The following TRIM63 variants were observed in gnomAD, a reference collection of about 807,000 sequenced individuals.
TRIM63 encodes the protein E3 ubiquitin-protein ligase TRIM63.
Under a neutral mutation model 46.0 loss-of-function variants are expected in TRIM63, and 48 were observed. The ratio of observed to expected loss-of-function variants is 1.04; its 90% CI spans 0.83 to 1.33. The LOEUF is 1.33. TRIM63 is among the 40% of genes most tolerant of loss of function. The pLI, the probability that TRIM63 is intolerant of heterozygous loss-of-function variation, is 0.00. For synonymous variants in TRIM63, 175 were observed against 162.8 expected (o/e 1.08, Z -0.57); for missense variants, 455 against 441.2 (o/e 1.03, Z -0.28).
At chr1:26,057,768 T>A in intron 5 of TRIM63, 118 bp from the exon 6 acceptor site, 1 of 1,059,258 alleles carries the variant, frequency 9.4e-7, no homozygotes. Context: ...CTAGCCCAGT[T>A]GTGACCTGCT....
chr1:26,056,757 A>ATT (rs539855797), intron 7 of TRIM63, among the ~76,000 whole-genome samples: 1,988 of 139,004 alleles, frequency 0.014, 44 homozygotes, highest in African/African-American at 0.049. Flanking sequence ...GACTATATGA[A>ATT]TTTTTTTTTT....
intron 1 of TRIM63, among the ~76,000 whole-genome samples, chr1:26,066,822 C>G (rs778401102): frequency 2.2e-4 from 33 of 151,948 alleles, no homozygotes; most frequent in Non-Finnish European, 4.4e-4. Flanking sequence ...CATGGGGAAC[C>G]TCGCATCCTG....
rs748103881 is a variant in TRIM63, at chr1:26,067,435, C to T, written c.60G>A (p.Gln20=). The T allele has an allele frequency of 7.4e-6, 12 of 1,614,196 alleles. No individual in the cohort carries two copies. The South Asian group carries it at 1.3e-4, about 18-fold the overall frequency. The stretch of plus-strand genomic sequence containing the variant: ...TCTCCAGGCAGATAGGGCAGATCAG[C>T]TGCTTCTCCAAGTTCTCCATGGGAT... The part of the protein sequence containing the change: ...DGNPMENLEK[Q]LICPICLEMF... The change falls in exon 1 of 9, where the codon CAG becomes CAA. Residue 20 remains glutamine, a synonymous_variant. Transcript: ENST00000374272.
chr1:26,060,431 G>T, intron 3 of TRIM63, 70 bp from the exon 4 acceptor site: 2 of 1,183,424 alleles, frequency 1.7e-6, no homozygotes, highest in Non-Finnish European at 1.3e-6. Flanking sequence ...CTGGGGCATG[G>T]CAGCAACATG....
chr1:26,059,208 G>A (rs1045190662), intron 4 of TRIM63, among the ~76,000 whole-genome samples: 3 of 151,908 alleles, frequency 2.0e-5, no homozygotes, highest in Non-Finnish European at 4.4e-5. Context: ...ATTTTTAGTA[G>A]AGATGGGGTT....
At chr1:26,059,125 A>G (rs2050599913) in intron 4 of TRIM63, among the ~76,000 whole-genome samples, 1 of 150,690 alleles carries the variant, frequency 6.6e-6, no homozygotes, top group Non-Finnish European at 1.5e-5. Context: ...CCCAGGTTCA[A>G]GCGATTCTCC....
intron 1 of TRIM63, 151 bp from the exon 2 acceptor site, chr1:26,066,591 TCA>T (rs1349338187): frequency 6.0e-6 from 4 of 661,444 alleles, no homozygotes; most frequent in Non-Finnish European, 9.7e-6. Context: ...GAACCAGTCC[TCA>T]CACACAGAGC....
chr1:26,052,540 C>T (rs2050531893), intron 8 of TRIM63, among the ~76,000 whole-genome samples: 1 of 152,174 alleles, frequency 6.6e-6, no homozygotes, highest in South Asian at 2.1e-4. Context: ...TCTCGGCTCA[C>T]TGCAAGCTCC....
At chr1:26,066,854 C>T (rs2050683094) in intron 1 of TRIM63, among the ~76,000 whole-genome samples, 1 of 152,024 alleles carries the variant, frequency 6.6e-6, no homozygotes, top group East Asian at 1.9e-4. Flanking sequence ...GGACATCTAC[C>T]CCCTTCCTTT....
At chr1:26,065,505 C>T (rs1430206662) in intron 2 of TRIM63, among the ~76,000 whole-genome samples, 1 of 152,302 alleles carries the variant, frequency 6.6e-6, no homozygotes, top group East Asian at 1.9e-4. Flanking sequence ...CAGGGTCTCA[C>T]TATGTTGCCC....
intron 2 of TRIM63, among the ~76,000 whole-genome samples, chr1:26,063,732 T>G (rs1291943220): frequency 6.6e-6 from 1 of 152,230 alleles, no homozygotes; most frequent in Admixed American, 6.5e-5. Flanking sequence ...CTCCCAGAAC[T>G]ACTGCAATCT....
chr1:26,060,318 T>A lies in TRIM63; in HGVS notation c.545A>T (p.Asp182Val). The change falls in exon 4 of 9, where the codon GAC becomes GTC. Residue 182 changes from aspartate to valine, a missense_variant. Transcript: ENST00000374272. ...CTGAGTGATGATGGTCTGCACACGG[T>A]CATTCCCCGCCACCAGCATGGAGAT... The part of the protein sequence containing the change: ...NCISMLVAGN[D>V]RVQTIITQLE... 6.2e-7 allele frequency: 1 copy of A among 1,614,022 alleles called. No homozygotes were observed. Among genetic ancestry groups the A allele is most frequent in the Non-Finnish European group, 8.5e-7 (1 of 1,179,986 alleles).
rs986591996 is a variant in TRIM63 at position 26,059,023 on chromosome 1, C to CTT, written c.598-402_598-401dup. On this transcript the variant is annotated intron_variant, in intron 4 of 8. Transcript: ENST00000374272. ...ATCTGCCCTGTCTTTCTCTGTTGCC[C>CTT]TTTTTTTTTTTTTTTTTTTGAGATG... 7.2e-3 allele frequency among the ~76,000 whole-genome samples: 842 copies of CTT among 116,894 alleles called. 17 individuals carry two copies. Among genetic ancestry groups the CTT allele is most frequent in the South Asian group, 0.011 (38 of 3,490 alleles). The allele number at this position is 116,894 out of a possible 152,430, so 76.7% of individuals were successfully genotyped here. A position where few individuals can be genotyped will look rare whatever the true frequency, so the allele number is the denominator to read the frequency against.
intron 1 of TRIM63, 24 bp downstream of exon 1, chr1:26,067,312 A>T (rs555649255): frequency 1.2e-6 from 2 of 1,612,170 alleles, no homozygotes; most frequent in Non-Finnish European, 1.7e-6. Context: ...GGGGACCCCA[A>T]ATGAAGCTGC....
chr1:26,055,396 TC>T (rs1176961491), intron 7 of TRIM63, among the ~76,000 whole-genome samples: 3 of 152,232 alleles, frequency 2.0e-5, no homozygotes, highest in African/African-American at 7.2e-5. Context: ...CTGTTGGTAC[TC>T]TCCTCATTTT....
rs41284327 is a variant in TRIM63, at chr1:26,066,438, A to C, written c.162T>G (p.Ala54=). Residue 54 remains alanine, a splice_region_variant and synonymous_variant, in exon 2 of 9, where the codon GCT becomes GCG. Transcript: ENST00000374272. ...CRKCANDIFQ[A]ANPYWTSRGS... ...CCCGGCTGGTCCAGTAGGGATTTGC[A>C]GCCTGCAGGTGGCAAAGGTCAAGGT... is the stretch of plus-strand genomic sequence containing the variant. The C allele has an allele frequency of 1.9e-3, 3,052 of 1,575,986 alleles. 7 individuals are homozygous for C. Among genetic ancestry groups the C allele is most frequent in the Non-Finnish European group, 2.5e-3 (2,885 of 1,158,604 alleles).
intron 8 of TRIM63, among the ~76,000 whole-genome samples, chr1:26,053,263 A>T (rs1019131609): frequency 2.6e-5 from 4 of 151,130 alleles, no homozygotes; most frequent in Admixed American, 6.6e-5. Context: ...TTATTTATTT[A>T]TTTTTTGAGA....
At position 26,061,433 on chromosome 1, in the gene TRIM63, C is replaced by CA. The variant is rs1248563879; in HGVS notation, c.333-100dup. The CA allele has an allele frequency of 5.3e-6, 7 of 1,314,536 alleles. No homozygotes were observed. In the African/African-American group the frequency reaches 1.0e-4, roughly 19 times the overall value. 81.4% of individuals were successfully genotyped at this position (1,314,536 alleles called of 1,614,324 possible). On this transcript the variant is annotated intron_variant, in intron 2 of 8. Transcript: ENST00000374272. ...GTCGCAGCTACTGGGGAGGCTGAGG[C>CA]AGGAGGATTGCTCAGCCCAGGAATT...
chr1:26,065,567 A>C lies in TRIM63; in HGVS notation c.332+701T>G, dbSNP rs375004482. On this transcript the variant is annotated intron_variant, in intron 2 of 8. Coordinates refer to ENST00000374272, the MANE Select transcript of TRIM63 (RefSeq NM_032588.4). ...AACAATCATCCCACCTTGGCCTCCC[A>C]GAGTGTTGGGATTATGGGCATGAGC... Among the ~76,000 whole-genome samples, 45 of 152,336 alleles carry C rather than the reference A, an allele frequency of 3.0e-4. 1 individual carries two copies. Among genetic ancestry groups the C allele is most frequent in the African/African-American group, 1.0e-3 (43 of 41,584 alleles).
Sources: gnomAD v4.1 joint callset for allele counts (sites outside exome capture counted in the v4.1 genomes callset) on GRCh38, gnomAD v4.1.1 for gene constraint, MANE v1.5 for transcripts, NCBI Gene and HGNC (gene_info 2026-07-23, HGNC 2026-07-21) for gene names.